PTPRD: variants seen among roughly 807,000 people sequenced by gnomAD.
The protein encoded by PTPRD is receptor-type tyrosine-protein phosphatase delta.
A neutral mutation model predicts 214.5 loss-of-function variants in PTPRD; 34 were observed. That is an observed-to-expected ratio of 0.16 (90% confidence interval 0.12 to 0.21). PTPRD has a LOEUF of 0.21. Among genes scored for constraint, PTPRD ranks in the 10% least tolerant of loss-of-function variants. The pLI is 1.00. For missense variants in PTPRD, 2,545 were observed against 2,398.7 expected (o/e 1.06, Z -1.27); for synonymous variants, 1,128 against 845.7 (o/e 1.33, Z -5.79).
intron 3 of PTPRD, among the ~76,000 whole-genome samples, chr9:10,169,460 C>A (rs1284228490): frequency 1.8e-5 from 2 of 108,278 alleles, no homozygotes; most frequent in African/African-American, 1.0e-4. Context: ...GGCGAAAGAG[C>A]GAGACTCTGT....
At chr9:10,199,500 AAAAC>A (rs1348589486) in intron 3 of PTPRD, among the ~76,000 whole-genome samples, 1 of 152,068 alleles carries the variant, frequency 6.6e-6, no homozygotes. Context: ...TCTTCTAATC[AAAAC>A]AGAGACCAGG....
chr9:10,037,333 C>T (rs891827758), intron 3 of PTPRD, among the ~76,000 whole-genome samples: 2 of 151,944 alleles, frequency 1.3e-5, no homozygotes, highest in Admixed American at 1.3e-4. Context: ...ACACCATCCC[C>T]CTTGGTGGTG....
chr9:9,521,728 G>T (rs2096977493), intron 8 of PTPRD, among the ~76,000 whole-genome samples: 1 of 152,116 alleles, frequency 6.6e-6, no homozygotes. Flanking sequence ...AAAAGGAAAA[G>T]GTTAACAAAG....
rs113523642 is a variant in PTPRD, at chr9:8,734,849, C to A, written c.-103-903G>T. Among the ~76,000 whole-genome samples the A allele has an allele frequency of 2.9e-3, 439 of 152,298 alleles. 2 individuals are homozygous for A. Among genetic ancestry groups the A allele is most frequent in the African/African-American group, 0.01 (418 of 41,558 alleles). On this transcript the variant is annotated intron_variant, in intron 11 of 45. Coordinates refer to ENST00000381196, the MANE Select transcript of PTPRD (RefSeq NM_002839.4). ...AATGCTATAAAAGATAGGATCAAGA[C>A]TGACATCATGGAAATAGTGTCTCAA...
intron 9 of PTPRD, among the ~76,000 whole-genome samples, chr9:9,211,534 CACACACACA>C (rs2099948676): frequency 8.6e-6 from 1 of 116,192 alleles, no homozygotes; most frequent in South Asian, 2.5e-4. Flanking sequence ...CACACACACA[CACACACACA>C]CACACACACA....
rs373735507 is a variant in PTPRD, at chr9:9,029,831, G to C, written c.-142-11096C>G. 1.4e-4 allele frequency among the ~76,000 whole-genome samples: 22 copies of C among 151,990 alleles called. No homozygotes were observed. The East Asian group carries it at 2.1e-3, about 15-fold the overall frequency. ...AGGAGAAAATGTACTTAAGACTTCG[G>C]TAAAATGGATGTGGAGATCAGGGGA... is the stretch of plus-strand genomic sequence containing the variant. On this transcript the variant is annotated intron_variant, in intron 10 of 45. Coordinates refer to ENST00000381196, the MANE Select transcript of PTPRD (RefSeq NM_002839.4).
intron 9 of PTPRD, among the ~76,000 whole-genome samples, chr9:9,252,810 T>G (rs2099976041): frequency 6.6e-6 from 1 of 152,106 alleles, no homozygotes; most frequent in Non-Finnish European, 1.5e-5. Flanking sequence ...AATACGCTTC[T>G]GTTTCTTTTC....
In PTPRD at chr9:10,597,801, CA is replaced by C. The variant is rs578159489; in HGVS notation, c.-600+14596del. Among the ~76,000 whole-genome samples, 17 of 151,846 alleles carry C rather than the reference CA, an allele frequency of 1.1e-4. No individual in the cohort carries two copies. In the East Asian group the frequency reaches 3.3e-3, roughly 30 times the overall value. The stretch of plus-strand genomic sequence containing the variant: ...GCATTATTTACACCTAGAATGTCAG[CA>C]AGAAGCATAAACTTTCTAGTGAATA... On this transcript the variant is annotated intron_variant, in intron 2 of 45. Transcript: ENST00000381196.
At chr9:8,372,821 T>C (rs756577374) in intron 39 of PTPRD, among the ~76,000 whole-genome samples, 27 of 152,108 alleles carry the variant, frequency 1.8e-4, no homozygotes, top group Middle Eastern at 3.4e-3. Context: ...CACAGAATCA[T>C]TGGAGGACCA....
chr9:10,586,815 G>A lies in PTPRD; in HGVS notation c.-600+25583C>T, dbSNP rs761428359. 7.1e-4 allele frequency among the ~76,000 whole-genome samples: 101 copies of A among 143,162 alleles called. 1 individual carries two copies. Among genetic ancestry groups the A allele is most frequent in the African/African-American group, 2.3e-3 (91 of 38,736 alleles). The allele number at this position is 143,162 out of a possible 152,430, so 93.9% of individuals were successfully genotyped here. The stretch of plus-strand genomic sequence containing the variant: ...TTTTTTTTTTTTACCATGCTTCTTT[G>A]TCATCAATATAATTAACTTTCAGAT... On this transcript the variant is annotated intron_variant, in intron 2 of 45. Coordinates refer to ENST00000381196, the MANE Select transcript of PTPRD (RefSeq NM_002839.4).
intron 11 of PTPRD, among the ~76,000 whole-genome samples, chr9:8,864,027 A>G (rs1005067519): frequency 2.6e-5 from 4 of 152,186 alleles, no homozygotes; most frequent in East Asian, 1.9e-4. Context: ...GGAACACTCT[A>G]CAGAGACCAA....
At chr9:9,259,502 C>G (rs1318433275) in intron 9 of PTPRD, among the ~76,000 whole-genome samples, 1 of 151,826 alleles carries the variant, frequency 6.6e-6, no homozygotes. Flanking sequence ...CAGGTGAAAG[C>G]ACTTGGAACA....
intron 7 of PTPRD, among the ~76,000 whole-genome samples, chr9:9,661,512 A>G (rs939436775): frequency 2.0e-4 from 31 of 151,982 alleles, no homozygotes; most frequent in African/African-American, 6.5e-4. Flanking sequence ...CAATTATGCT[A>G]AACTATGGTA....
At chr9:10,400,240 T>C (rs1479005918) in intron 2 of PTPRD, among the ~76,000 whole-genome samples, 1 of 151,764 alleles carries the variant, frequency 6.6e-6, no homozygotes, top group African/African-American at 2.4e-5. Flanking sequence ...ACAGACCTGT[T>C]GTAAGAATTA....
intron 14 of PTPRD, among the ~76,000 whole-genome samples, chr9:8,544,799 T>G (rs574380303): frequency 1.6e-4 from 25 of 152,032 alleles, no homozygotes; most frequent in African/African-American, 5.8e-4. Context: ...AAAACAGCGG[T>G]TGCTTTTGTA....
intron 9 of PTPRD, among the ~76,000 whole-genome samples, chr9:9,387,429 C>G (rs953104535): frequency 6.6e-6 from 1 of 151,872 alleles, no homozygotes; most frequent in African/African-American, 2.4e-5. Flanking sequence ...GACATTTATT[C>G]GTTTCCCCTT....
intron 8 of PTPRD, chr9:9,414,802 A>G (rs1186791856): frequency 2.0e-5 from 3 of 152,216 alleles, no homozygotes; most frequent in African/African-American, 7.2e-5. Context: ...CACTGAGAAT[A>G]AGACAGGCAT....
chr9:8,891,522 G>C (rs2098540149), intron 11 of PTPRD, among the ~76,000 whole-genome samples: 1 of 151,550 alleles, frequency 6.6e-6, no homozygotes, highest in Non-Finnish European at 1.5e-5. Context: ...ACATTAAAGA[G>C]CCATTTGTTA....
intron 30 of PTPRD, among the ~76,000 whole-genome samples, chr9:8,476,912 G>A (rs1277497633): frequency 4.6e-5 from 7 of 152,018 alleles, no homozygotes; most frequent in South Asian, 2.1e-4. Context: ...AACCAGCAAT[G>A]GCATGCCCAA....
Sources: gnomAD v4.1 joint callset for allele counts (sites outside exome capture counted in the v4.1 genomes callset) on GRCh38, gnomAD v4.1.1 for gene constraint, MANE v1.5 for transcripts, NCBI Gene and HGNC (gene_info 2026-07-23, HGNC 2026-07-21) for gene names.